The following RAB38 variants were observed in gnomAD, a reference collection of about 807,000 sequenced individuals.
The protein encoded by RAB38 is RAB38, member RAS oncogene family, also known as ras-related protein Rab-38.
Under a neutral mutation model 18.4 loss-of-function variants are expected in RAB38, and 15 were observed. That is an observed-to-expected ratio of 0.82 (90% CI 0.55 to 1.26). RAB38 has a LOEUF of 1.26. RAB38 is among the 50% of genes most tolerant of loss of function. RAB38 has a pLI of 0.00. For missense variants in RAB38, 294 were observed against 267.4 expected, an observed-to-expected ratio of 1.10 and a Z score of -0.69; for synonymous variants, 101 against 104.4, an observed-to-expected ratio of 0.97 and a Z score of 0.20.
chr11:87,937,870 G>GTTTTTTTTTTTTTTTTT, the RAB38 span, among the ~76,000 whole-genome samples: 9 of 92,016 alleles, frequency 9.8e-5, no homozygotes, highest in Non-Finnish European at 1.4e-4. Flanking sequence ...TCATTGAAGT[G>GTTTTTTTTTTTTTTTTT]TTTTTTTTTT....
At chr11:88,011,200 T>G in the RAB38 span, among the ~76,000 whole-genome samples, 28,716 of 152,084 alleles carry the variant, frequency 0.19, 3,996 homozygotes, top group East Asian at 0.53. Flanking sequence ...AGACACTGTA[T>G]TAAAAGCTGT....
chr11:87,824,271 A>T, the RAB38 span, among the ~76,000 whole-genome samples: 2 of 152,186 alleles, frequency 1.3e-5, no homozygotes, highest in South Asian at 4.1e-4. Context: ...CCCACTAGAA[A>T]ATATCTACAG....
chr11:88,171,919 G>T (rs1349241024), intron 1 of RAB38, among the ~76,000 whole-genome samples: 1 of 152,172 alleles, frequency 6.6e-6, no homozygotes, highest in Non-Finnish European at 1.5e-5. Flanking sequence ...AAAATTTTCA[G>T]AAATAGATTT....
chr11:88,022,057 T>C, the RAB38 span, among the ~76,000 whole-genome samples: 1 of 151,690 alleles, frequency 6.6e-6, no homozygotes, highest in Non-Finnish European at 1.5e-5. Flanking sequence ...AAAAGAAAAC[T>C]ACAGGCCAAT....
chr11:88,037,898 C>A, the RAB38 span, among the ~76,000 whole-genome samples: 1 of 151,836 alleles, frequency 6.6e-6, no homozygotes, highest in Non-Finnish European at 1.5e-5. Context: ...TGTTTGCCTT[C>A]TTATTAATGT....
the RAB38 span, among the ~76,000 whole-genome samples, chr11:88,038,531 C>T: frequency 6.6e-6 from 1 of 152,088 alleles, no homozygotes; most frequent in Non-Finnish European, 1.5e-5. Context: ...AATGGCAAAA[C>T]ATATTTCCTC....
the RAB38 span, among the ~76,000 whole-genome samples, chr11:87,967,559 A>G: frequency 6.6e-6 from 1 of 152,178 alleles, no homozygotes; most frequent in Non-Finnish European, 1.5e-5. Flanking sequence ...CATAAGCCTA[A>G]TGGTTAAGCC....
chr11:88,027,233 G>C, the RAB38 span, among the ~76,000 whole-genome samples: 1 of 151,914 alleles, frequency 6.6e-6, no homozygotes, highest in Non-Finnish European at 1.5e-5. Context: ...AAGTATTTGA[G>C]ATAACGATCT....
chr11:87,851,046 C>T, the RAB38 span, among the ~76,000 whole-genome samples: 1 of 152,202 alleles, frequency 6.6e-6, no homozygotes, highest in Non-Finnish European at 1.5e-5. Context: ...CCCCGTTCCC[C>T]TCAGGGAGAG....
intron 2 of RAB38, among the ~76,000 whole-genome samples, chr11:88,148,827 T>C (rs1223792900): frequency 6.6e-6 from 1 of 152,212 alleles, no homozygotes; most frequent in Non-Finnish European, 1.5e-5. Context: ...AGTGTAATTA[T>C]ATGCACACAC....
At chr11:87,864,429 A>G in the RAB38 span, among the ~76,000 whole-genome samples, 1 of 151,584 alleles carries the variant, frequency 6.6e-6, no homozygotes, top group African/African-American at 2.4e-5. Flanking sequence ...CAGTAGTAGT[A>G]GCAGTATTTT....
intron 2 of RAB38, among the ~76,000 whole-genome samples, chr11:88,123,667 C>G (rs77559193): frequency 6.6e-6 from 1 of 152,100 alleles, no homozygotes; most frequent in East Asian, 1.9e-4. Flanking sequence ...TTCTGTTGCT[C>G]CACAGGTGAT....
At chr11:87,897,438 C>G in the RAB38 span, among the ~76,000 whole-genome samples, 600 of 151,442 alleles carry the variant, frequency 4.0e-3, 3 homozygotes, top group African/African-American at 0.014. Flanking sequence ...TGGGAAATAC[C>G]CTATTTCCCA....
chr11:87,952,004 C>T, the RAB38 span, among the ~76,000 whole-genome samples: 1 of 152,190 alleles, frequency 6.6e-6, no homozygotes, highest in Non-Finnish European at 1.5e-5. Context: ...CCTATTCGGC[C>T]ATCCTTGGCT....
At chr11:87,822,317 A>T in the RAB38 span, among the ~76,000 whole-genome samples, 1 of 152,244 alleles carries the variant, frequency 6.6e-6, no homozygotes, top group African/African-American at 2.4e-5. Context: ...AAGTACAAGC[A>T]TGTATTAGAT....
Position 88,135,441 on chromosome 11 carries a change from C to G in RAB38, c.483+14234G>C, listed in dbSNP as rs1234584312. Among the ~76,000 whole-genome samples the G allele has an allele frequency of 3.3e-5, 5 of 152,106 alleles. No homozygotes were observed. In the South Asian group the frequency reaches 8.3e-4, roughly 25 times the overall value. ...TTGAAGAATAAATGAATAGATAAAA[C>G]CGTAAAATAAAGTACTTAGACCACA... is the stretch of plus-strand genomic sequence containing the variant. On this transcript the variant is annotated intron_variant, in intron 2 of 2. Coordinates refer to ENST00000243662, the MANE Select transcript of RAB38 (RefSeq NM_022337.3).
At chr11:87,977,974 T>A in the RAB38 span, among the ~76,000 whole-genome samples, 3 of 112,180 alleles carry the variant, frequency 2.7e-5, no homozygotes, top group African/African-American at 3.6e-5. Flanking sequence ...AGATATATTA[T>A]ATAAATACAT....
the RAB38 span, among the ~76,000 whole-genome samples, chr11:87,868,308 C>T: frequency 6.6e-6 from 1 of 151,548 alleles, no homozygotes; most frequent in Non-Finnish European, 1.5e-5. Context: ...CCTCTCTCAC[C>T]ATGTGATCTG....
chr11:88,032,394 C>G, the RAB38 span, among the ~76,000 whole-genome samples: 5 of 152,184 alleles, frequency 3.3e-5, no homozygotes, highest in Non-Finnish European at 7.3e-5. Context: ...TCTAATTAAA[C>G]TTAAGAGCTT....
Sources: gnomAD v4.1 joint callset for allele counts (sites outside exome capture counted in the v4.1 genomes callset) on GRCh38, gnomAD v4.1.1 for gene constraint, MANE v1.5 for transcripts, NCBI Gene and HGNC (gene_info 2026-07-23, HGNC 2026-07-21) for gene names.